DENND1B: variants seen among roughly 807,000 people sequenced by gnomAD.
DENND1B encodes DENN domain-containing protein 1B.
Under a neutral mutation model 90.1 loss-of-function variants are expected in DENND1B, and 59 were observed. That is an observed-to-expected ratio of 0.65 (90% CI 0.53 to 0.81). The LOEUF is 0.81. Among genes scored for constraint, DENND1B ranks in the 40% least tolerant of loss-of-function variants. The probability of loss-of-function intolerance (pLI) is 0.00; values close to 1 mark genes in which losing one functional copy is unlikely to be tolerated. For missense variants in DENND1B, 862 were observed against 912.6 expected (o/e 0.94, Z 0.71); for synonymous variants, 337 against 324.6 (o/e 1.04, Z -0.41).
intron 15 of DENND1B, among the ~76,000 whole-genome samples, chr1:197,555,483 G>C (rs1281153026): frequency 6.6e-6 from 1 of 151,988 alleles, no homozygotes; most frequent in Non-Finnish European, 1.5e-5. Flanking sequence ...CTAATATCCA[G>C]AATCTATAAG....
intron 15 of DENND1B, among the ~76,000 whole-genome samples, chr1:197,553,798 T>C (rs1037119126): frequency 2.6e-5 from 4 of 152,126 alleles, no homozygotes; most frequent in African/African-American, 9.7e-5. Flanking sequence ...TTAAGTTAAA[T>C]ACAGTTGAGG....
intron 2 of DENND1B, chr1:197,747,465 A>G (rs1312720096): frequency 9.8e-6 from 3 of 307,284 alleles, no homozygotes; most frequent in Non-Finnish European, 1.9e-5. Flanking sequence ...TTCGTCTGTC[A>G]GGAAGCGGTC....
intron 3 of DENND1B, chr1:197,689,448 C>A (rs1382384651): frequency 6.6e-6 from 1 of 152,106 alleles, no homozygotes; most frequent in Admixed American, 6.6e-5. Context: ...GACACAGAGA[C>A]AAATCATGTC....
chr1:197,548,489 G>T (rs183662616), intron 16 of DENND1B, among the ~76,000 whole-genome samples: 76 of 152,244 alleles, frequency 5.0e-4, no homozygotes, highest in African/African-American at 1.8e-3. Context: ...ACAATGTTTA[G>T]TATGGTACAT....
At chr1:197,735,316 A>G in intron 2 of DENND1B, 1 of 1,254,640 alleles carries the variant, frequency 8.0e-7, no homozygotes, top group Non-Finnish European at 1.0e-6. Context: ...CTCTGCTTCA[A>G]GTGGTTTTAT....
At position 197,512,927 on chromosome 1, in the gene DENND1B, G is replaced by T; in HGVS notation, c.1542C>A (p.Ser514Arg). Residue 514 changes from serine to arginine, a missense_variant, in exon 21 of 23, where the codon AGC (serine) becomes AGA (arginine). Physicochemically the swap from Ser to Arg is moderately radical, Grantham distance 110. Coordinates refer to ENST00000620048, the MANE Select transcript of DENND1B (RefSeq NM_001195215.2). ...AQARLKRPLK[S>R]LDGALYDDED... ...CATCATCATATAGAGCACCATCAAG[G>T]CTCTTAAGAGGCCTTTTTAAGCGTG... 1.2e-6 allele frequency: 2 copies of T among 1,609,894 alleles called. No homozygotes were observed. Among genetic ancestry groups the T allele is most frequent in the East Asian group, 2.2e-5 (1 of 44,736 alleles).
chr1:197,629,100 A>C (rs935266208), intron 10 of DENND1B, among the ~76,000 whole-genome samples: 3 of 152,196 alleles, frequency 2.0e-5, no homozygotes, highest in Admixed American at 6.5e-5. Flanking sequence ...TAGTTCGACC[A>C]TTGTGGAAGT....
chr1:197,675,908 C>T (rs1479972084), intron 3 of DENND1B, among the ~76,000 whole-genome samples: 1 of 151,692 alleles, frequency 6.6e-6, no homozygotes, highest in Non-Finnish European at 1.5e-5. Context: ...ATCTTTCACA[C>T]CCTCCCCCTC....
At chr1:197,724,405 T>G (rs1571508567) in intron 2 of DENND1B, among the ~76,000 whole-genome samples, 1 of 152,248 alleles carries the variant, frequency 6.6e-6, no homozygotes, top group East Asian at 1.9e-4. Flanking sequence ...TATAATAAAG[T>G]CACTAAGAAA....
At chr1:197,707,037 A>T (rs762250038) in intron 3 of DENND1B, among the ~76,000 whole-genome samples, 3 of 152,312 alleles carry the variant, frequency 2.0e-5, no homozygotes, top group Non-Finnish European at 2.9e-5. Flanking sequence ...TGAATGGATT[A>T]AAAAATATGG....
chr1:197,609,781 C>G (rs1572056152), intron 12 of DENND1B, among the ~76,000 whole-genome samples: 1 of 149,522 alleles, frequency 6.7e-6, no homozygotes, highest in East Asian at 2.0e-4. Flanking sequence ...ACTCTCTTGA[C>G]CAAGAGAGAG....
chr1:197,576,023 A>T (rs904357854), intron 15 of DENND1B, among the ~76,000 whole-genome samples: 3 of 152,210 alleles, frequency 2.0e-5, no homozygotes, highest in Non-Finnish European at 4.4e-5. Flanking sequence ...TGGCACATGT[A>T]TACCTATGTA....
chr1:197,514,933 A>C (rs1288142596), intron 20 of DENND1B, among the ~76,000 whole-genome samples: 2 of 151,626 alleles, frequency 1.3e-5, no homozygotes, highest in Non-Finnish European at 3.0e-5. Flanking sequence ...ATGGCATTTA[A>C]ATTTCGAGTC....
At position 197,553,059 on chromosome 1, in the gene DENND1B, T is replaced by C. The variant is rs1277696824; in HGVS notation, c.1203A>G (p.Val401=). Residue 401 remains valine (V), a synonymous_variant, in exon 16 of 23, where the codon GTA becomes GTG. Coordinates refer to ENST00000620048, the MANE Select transcript of DENND1B (RefSeq NM_001195215.2). ...CACCTGAAGTGATCTCTTCTTCAAA[T>C]ACATCAGAGAAACCCCTTCCTGCAT... The part of the protein sequence containing the change: ...KLNAGRGFSD[V]FEEEITSGGF... 1 of 1,566,586 alleles carries C rather than the reference T, an allele frequency of 6.4e-7. No homozygotes were observed. The highest frequency in any genetic ancestry group is 2.1e-5 in the Admixed American group (1 of 48,556).
intron 2 of DENND1B, chr1:197,736,108 A>T: frequency 2.8e-6 from 2 of 721,960 alleles, no homozygotes; most frequent in Non-Finnish European, 4.8e-6. Flanking sequence ...GGAAAACGCT[A>T]AACTGGCAGA....
chr1:197,630,251 TTAA>T (rs778849172), intron 10 of DENND1B, among the ~76,000 whole-genome samples: 7 of 152,106 alleles, frequency 4.6e-5, no homozygotes, highest in Non-Finnish European at 1.0e-4. Context: ...AGTTAACTAA[TTAA>T]TAATAGGAGT....
At chr1:197,591,263 T>G (rs1439102635) in intron 14 of DENND1B, among the ~76,000 whole-genome samples, 1 of 152,144 alleles carries the variant, frequency 6.6e-6, no homozygotes, top group Non-Finnish European at 1.5e-5. Flanking sequence ...TAAGCTCCTG[T>G]GGGGATGGGG....
intron 2 of DENND1B, among the ~76,000 whole-genome samples, chr1:197,745,564 C>T (rs1451975127): frequency 1.3e-5 from 2 of 149,344 alleles, no homozygotes; most frequent in African/African-American, 2.5e-5. Context: ...TACCACAAAA[C>T]AATTACAACA....
intron 10 of DENND1B, among the ~76,000 whole-genome samples, chr1:197,633,089 G>C (rs1036851144): frequency 9.2e-5 from 14 of 152,160 alleles, no homozygotes; most frequent in Non-Finnish European, 1.9e-4. Flanking sequence ...CTGAGGGTGA[G>C]AGAAATATGG....
Sources: allele counts gnomAD v4.1 joint callset (sites outside exome capture counted in the v4.1 genomes callset), GRCh38; gene constraint gnomAD v4.1.1; transcripts MANE v1.5; gene names NCBI Gene and HGNC (gene_info 2026-07-23, HGNC 2026-07-21).